The following EYA4 variants were observed in gnomAD, a reference collection of about 807,000 sequenced individuals.
EYA4 encodes the protein EYA transcriptional coactivator and phosphatase 4, also known as protein phosphatase EYA4.
EYA4 carries 31 observed loss-of-function variants against 87.9 expected under a neutral mutation model. That is an observed-to-expected ratio of 0.35 (90% confidence interval 0.27 to 0.48). The LOEUF is 0.48. Among genes scored for constraint, EYA4 ranks in the 20% least tolerant of loss-of-function variants. The pLI is 0.99. For missense variants in EYA4, 678 were observed against 761.4 expected (o/e 0.89, Z 1.29); for synonymous variants, 263 against 270.6 (o/e 0.97, Z 0.28).
chr6:133,511,457 T>A (rs1486515995), intron 14 of EYA4, among the ~76,000 whole-genome samples: 3 of 151,452 alleles, frequency 2.0e-5, no homozygotes, highest in African/African-American at 7.3e-5. Flanking sequence ...TATGATGTAG[T>A]TATTTATTAT....
chr6:133,348,261 GTTTTTTTTTTTTTT>G lies in EYA4; in HGVS notation c.34-34115_34-34102del, dbSNP rs35905853. 6.7e-3 allele frequency among the ~76,000 whole-genome samples: 464 copies of G among 68,806 alleles called. 4 individuals are homozygous for G. Among genetic ancestry groups the G allele is most frequent in the African/African-American group, 0.027 (415 of 15,530 alleles). The allele number at this position is 68,806 out of a possible 152,430, so 45.1% of individuals were successfully genotyped here. A position where few individuals can be genotyped will look rare whatever the true frequency, so the allele number is the denominator to read the frequency against. ...ATCTTCCTCCTCATCTCTTCAAGTA[GTTTTTTTTTTTTTT>G]TTTTTTTTTTTTTTTGGAGACAGAG... On this transcript the variant is annotated intron_variant, in intron 2 of 19. Coordinates refer to ENST00000355286, the MANE Select transcript of EYA4 (RefSeq NM_004100.5).
At chr6:133,461,529 T>C (rs1305801386) in intron 7 of EYA4, among the ~76,000 whole-genome samples, 1 of 152,168 alleles carries the variant, frequency 6.6e-6, no homozygotes, top group Non-Finnish European at 1.5e-5. Flanking sequence ...AAACATATTT[T>C]TGAAGAATAT....
chr6:133,269,721 A>G (rs896028933), intron 1 of EYA4, among the ~76,000 whole-genome samples: 2 of 152,202 alleles, frequency 1.3e-5, no homozygotes, highest in Non-Finnish European at 2.9e-5. Context: ...CAAAACATCT[A>G]CTGATATTGA....
At chr6:133,345,002 A>G (rs1783085758) in intron 2 of EYA4, among the ~76,000 whole-genome samples, 1 of 152,136 alleles carries the variant, frequency 6.6e-6, no homozygotes, top group South Asian at 2.1e-4. Context: ...TTAGAAAGGA[A>G]CAGTCTTATT....
At chr6:133,391,453 A>T (rs944442509) in intron 3 of EYA4, among the ~76,000 whole-genome samples, 1 of 151,900 alleles carries the variant, frequency 6.6e-6, no homozygotes, top group Non-Finnish European at 1.5e-5. Context: ...GGAGACACAG[A>T]TTATCTCCCT....
chr6:133,494,688 GT>G, intron 13 of EYA4, among the ~76,000 whole-genome samples: 1 of 127,388 alleles, frequency 7.9e-6, no homozygotes, highest in Admixed American at 7.9e-5. Flanking sequence ...AAAAAAAAAA[GT>G]GTTTTTTTTT....
At chr6:133,368,602 G>T (rs1785032953) in intron 2 of EYA4, among the ~76,000 whole-genome samples, 1 of 152,176 alleles carries the variant, frequency 6.6e-6, no homozygotes, top group Non-Finnish European at 1.5e-5. Context: ...TATTTTTAGT[G>T]ATCCTAACCA....
chr6:133,286,206 T>C (rs140794836), intron 2 of EYA4, among the ~76,000 whole-genome samples: 3,637 of 152,266 alleles, frequency 0.024, 72 homozygotes, highest in Middle Eastern at 0.068. Context: ...GAACGCTGGA[T>C]TGCTAGTGCA....
chr6:133,249,772 C>G (rs556594346), intron 1 of EYA4, among the ~76,000 whole-genome samples: 3 of 152,338 alleles, frequency 2.0e-5, no homozygotes, highest in Admixed American at 2.0e-4. Context: ...ATAAGTTCCT[C>G]TGACCTCCAG....
chr6:133,525,242 G>A lies in EYA4; in HGVS notation c.1827G>A (p.Gln609=), dbSNP rs1187383020. Residue 609 remains glutamine, a synonymous_variant, in exon 19 of 20, where the codon CAG becomes CAA. Coordinates refer to ENST00000355286, the MANE Select transcript of EYA4 (RefSeq NM_004100.5). ...TTGGGGATGGTGTAGAAGAAGAACA[G>A]GCAGCAAAAAAGGTAACCTGTCTCA... ...VVIGDGVEEE[Q]AAKKHNMPFW... 1 of 1,613,312 alleles carries A rather than the reference G, an allele frequency of 6.2e-7. No homozygotes were observed.
chr6:133,498,982 A>G (rs1797873147), intron 13 of EYA4, among the ~76,000 whole-genome samples: 1 of 152,228 alleles, frequency 6.6e-6, no homozygotes. Flanking sequence ...TGCTGGAATT[A>G]TGTTAGAAAA....
intron 13 of EYA4, among the ~76,000 whole-genome samples, chr6:133,499,394 C>T (rs887821884): frequency 6.6e-6 from 1 of 152,098 alleles, no homozygotes; most frequent in African/African-American, 2.4e-5. Flanking sequence ...CATCCAAGTA[C>T]CATGTTACAC....
intron 2 of EYA4, among the ~76,000 whole-genome samples, chr6:133,307,503 A>C (rs781206096): frequency 6.6e-6 from 1 of 152,184 alleles, no homozygotes; most frequent in Non-Finnish European, 1.5e-5. Flanking sequence ...TTAATCAAGT[A>C]CCCATTAAGT....
At chr6:133,473,810 C>T (rs1343869124) in intron 11 of EYA4, among the ~76,000 whole-genome samples, 2 of 151,884 alleles carry the variant, frequency 1.3e-5, no homozygotes, top group Non-Finnish European at 2.9e-5. Flanking sequence ...GTCAGTGAAG[C>T]ACCTAGAGCA....
At chr6:133,333,772 T>C (rs1321680957) in intron 2 of EYA4, among the ~76,000 whole-genome samples, 1 of 152,220 alleles carries the variant, frequency 6.6e-6, no homozygotes, top group South Asian at 2.1e-4. Context: ...GATGAATGTA[T>C]AGAAAAGGGA....
chr6:133,402,097 T>C (rs2327322), intron 3 of EYA4, among the ~76,000 whole-genome samples: 11,466 of 152,142 alleles, frequency 0.075, 650 homozygotes, highest in East Asian at 0.22. Flanking sequence ...GATATCTAGA[T>C]CATTTCAGCA....
intron 2 of EYA4, among the ~76,000 whole-genome samples, chr6:133,361,704 A>G (rs1449832120): frequency 6.6e-6 from 1 of 152,238 alleles, no homozygotes. Flanking sequence ...AGAGGAATCC[A>G]TGGACATCAT....
intron 3 of EYA4, among the ~76,000 whole-genome samples, chr6:133,418,530 A>T (rs935027876): frequency 1.3e-5 from 2 of 152,246 alleles, no homozygotes; most frequent in East Asian, 3.8e-4. Flanking sequence ...ATATATACAG[A>T]TGCATATATA....
intron 13 of EYA4, among the ~76,000 whole-genome samples, chr6:133,485,291 T>C (rs754269303): frequency 1.3e-5 from 2 of 152,202 alleles, no homozygotes; most frequent in Middle Eastern, 3.4e-3. Flanking sequence ...TCTGTGCTTC[T>C]AGAAGGTTAA....
Sources: gnomAD v4.1 joint callset for allele counts (sites outside exome capture counted in the v4.1 genomes callset) on GRCh38, gnomAD v4.1.1 for gene constraint, MANE v1.5 for transcripts, NCBI Gene and HGNC (gene_info 2026-07-23, HGNC 2026-07-21) for gene names.